UNC80: variants seen among roughly 807,000 people sequenced by gnomAD.
UNC80 encodes unc-80 subunit of NALCN channel complex.
A neutral mutation model predicts 384.6 loss-of-function variants in UNC80; 164 were observed. The observed-to-expected ratio is 0.43, with a 90% confidence interval of 0.38 to 0.49. The LOEUF is 0.49. Among genes scored for constraint, UNC80 ranks in the 20% least tolerant of loss-of-function variants. UNC80 has a pLI of 0.00. For missense variants in UNC80, 3,330 were observed against 4,143.0 expected, an observed-to-expected ratio of 0.80 and a Z score of 5.39; for synonymous variants, 1,486 against 1,527.8, an observed-to-expected ratio of 0.97 and a Z score of 0.64.
chr2:209,926,249 A>C (rs1481857663), intron 35 of UNC80, among the ~76,000 whole-genome samples: 1 of 152,222 alleles, frequency 6.6e-6, no homozygotes, highest in Non-Finnish European at 1.5e-5. Context: ...TTAGAATTTT[A>C]TCTTCATTAA....
intron 58 of UNC80, among the ~76,000 whole-genome samples, chr2:209,977,333 T>A (rs1465019999): frequency 2.6e-5 from 4 of 152,244 alleles, no homozygotes; most frequent in Non-Finnish European, 4.4e-5. Flanking sequence ...ATATATTTTT[T>A]AATCTTCATT....
chr2:209,817,935 A>G lies in UNC80; in HGVS notation c.1676A>G (p.Glu559Gly). ...DLPDPSNSHG[E>G]NTVKEVRSQI... Reference sequence around the variant, plus strand: ...CCGGACCCCTCCAACAGCCATGGAGAAAACACCGTCAAGGAAGGTGGGTAG... The same window carrying G: ...CCGGACCCCTCCAACAGCCATGGAGGAAACACCGTCAAGGAAGGTGGGTAG... Residue 559 changes from glutamate to glycine, a missense_variant, in exon 11 of 65, where the codon GAA (glutamate) becomes GGA (glycine). This residue lies in a region of UNC80 where 937 missense variants were observed against 1,026.8 expected (regional missense o/e 0.91). Coordinates refer to ENST00000673920, the MANE Select transcript of UNC80 (RefSeq NM_001371986.1). 1.3e-6 allele frequency: 2 copies of G among 1,551,568 alleles called. No individual in the cohort carries two copies. Among genetic ancestry groups the G allele is most frequent in the Non-Finnish European group, 8.7e-7 (1 of 1,146,938 alleles).
chr2:209,868,204 C>G (rs1222224698), intron 22 of UNC80, among the ~76,000 whole-genome samples: 1 of 152,154 alleles, frequency 6.6e-6, no homozygotes, highest in Non-Finnish European at 1.5e-5. Context: ...CTTTGGAATG[C>G]CTACTAAGAC....
At chr2:209,956,172 G>A (rs1559391896) in intron 48 of UNC80, among the ~76,000 whole-genome samples, 1 of 152,084 alleles carries the variant, frequency 6.6e-6, no homozygotes, top group Non-Finnish European at 1.5e-5. Context: ...TGGAGCTCTG[G>A]CATTTAAAAT....
chr2:209,840,930 T>A (rs2081694245), intron 20 of UNC80, among the ~76,000 whole-genome samples: 1 of 152,198 alleles, frequency 6.6e-6, no homozygotes, highest in African/African-American at 2.4e-5. Flanking sequence ...ATTTTTAACT[T>A]TTAACACACC....
chr2:209,817,489 A>T (rs185106592), intron 10 of UNC80, among the ~76,000 whole-genome samples: 55 of 151,580 alleles, frequency 3.6e-4, no homozygotes, highest in Admixed American at 2.7e-3. Context: ...AGGAAAAAAA[A>T]TATATATATT....
chr2:209,806,360 A>AT (rs1388575427), intron 7 of UNC80, among the ~76,000 whole-genome samples: 1 of 152,078 alleles, frequency 6.6e-6, no homozygotes, highest in Non-Finnish European at 1.5e-5. Context: ...GTGAACAGAT[A>AT]TTTTTTTCTT....
chr2:209,963,809 C>A lies in UNC80; in HGVS notation c.7806-3628C>A, dbSNP rs2092668265. 2.0e-5 allele frequency among the ~76,000 whole-genome samples: 3 copies of A among 152,272 alleles called. No homozygotes were observed. In the South Asian group the frequency reaches 6.2e-4, roughly 32 times the overall value. On this transcript the variant is annotated intron_variant, in intron 51 of 64. Coordinates refer to ENST00000673920, the MANE Select transcript of UNC80 (RefSeq NM_001371986.1). ...GGGAATTAAGAGACAATAACTATTT[C>A]TTGATAATGAAGGGTCATGATGGAG...
intron 4 of UNC80, among the ~76,000 whole-genome samples, chr2:209,783,642 CTG>C (rs2077267818): frequency 6.6e-6 from 1 of 152,066 alleles, no homozygotes; most frequent in South Asian, 2.1e-4. Context: ...TCAGTGAGTG[CTG>C]TGTCATGCTA....
chr2:209,993,467 G>A, intron 63 of UNC80, 41 bp downstream of exon 63: 3 of 1,511,588 alleles, frequency 2.0e-6, no homozygotes, highest in Non-Finnish European at 2.7e-6. Context: ...CCATTGACAT[G>A]ATGCCATGCA....
intron 28 of UNC80, among the ~76,000 whole-genome samples, 200 bp downstream of exon 28, chr2:209,896,613 A>C (rs2124918929): frequency 6.6e-6 from 1 of 152,318 alleles, no homozygotes; most frequent in East Asian, 1.9e-4. Flanking sequence ...CTTAAGCTTA[A>C]CTAAGACCAA....
intron 8 of UNC80, 75 bp downstream of exon 8, chr2:209,813,916 C>T: frequency 1.3e-6 from 2 of 1,502,908 alleles, no homozygotes; most frequent in Non-Finnish European, 1.8e-6. Context: ...TCTGTGCATC[C>T]AGCTCTTAGG....
intron 33 of UNC80, among the ~76,000 whole-genome samples, chr2:209,920,075 A>G (rs1002742104): frequency 3.3e-5 from 5 of 152,206 alleles, no homozygotes; most frequent in Admixed American, 2.6e-4. Flanking sequence ...AGGCTGAGAC[A>G]GGAGAATCAC....
intron 25 of UNC80, among the ~76,000 whole-genome samples, chr2:209,882,333 G>T (rs1401877450): frequency 6.6e-6 from 1 of 152,110 alleles, no homozygotes; most frequent in Non-Finnish European, 1.5e-5. Context: ...CAGGCGGTGT[G>T]GGGAGAGGAG....
intron 56 of UNC80, 40 bp downstream of exon 56, chr2:209,973,310 G>C: frequency 1.4e-6 from 2 of 1,468,648 alleles, no homozygotes; most frequent in African/African-American, 2.8e-5. Context: ...TTGTGCATGT[G>C]TATGTATATG....
chr2:209,793,498 C>T (rs1050871781), intron 6 of UNC80, among the ~76,000 whole-genome samples: 3 of 151,934 alleles, frequency 2.0e-5, no homozygotes, highest in African/African-American at 7.3e-5. Context: ...ATTACTTTGC[C>T]TGATGCTTGA....
chr2:209,773,781 G>C (rs2076715537), intron 2 of UNC80, among the ~76,000 whole-genome samples: 1 of 152,148 alleles, frequency 6.6e-6, no homozygotes, highest in Admixed American at 6.6e-5. Context: ...CAAAATATAT[G>C]CATTTCTGCA....
chr2:209,858,760 A>AT (rs552184141), intron 22 of UNC80, among the ~76,000 whole-genome samples: 34 of 151,612 alleles, frequency 2.2e-4, no homozygotes, highest in African/African-American at 7.7e-4. Flanking sequence ...CATTTAAACA[A>AT]TTTTTTTCTA....
rs1269399941 is a variant in UNC80, at chr2:209,904,981, T to C, written c.4782+16T>C. 3 of 1,550,508 alleles carry C rather than the reference T, an allele frequency of 1.9e-6. No homozygotes were observed. The highest frequency in any genetic ancestry group is 2.0e-5 in the Admixed American group (1 of 50,988). Reference sequence around the variant, plus strand: ...ACAGAAAGAAGTAAGTAAATGACCATTGAATGATATTCTAATACTAGAAAC... The same window carrying C: ...ACAGAAAGAAGTAAGTAAATGACCACTGAATGATATTCTAATACTAGAAAC... On this transcript the variant is annotated intron_variant, in intron 29 of 64. Coordinates refer to ENST00000673920, the MANE Select transcript of UNC80 (RefSeq NM_001371986.1).
Sources: allele counts gnomAD v4.1 joint callset (sites outside exome capture counted in the v4.1 genomes callset), GRCh38; gene constraint gnomAD v4.1.1; regional missense constraint gnomAD v4.1.1; transcripts MANE v1.5; gene names NCBI Gene and HGNC (gene_info 2026-07-23, HGNC 2026-07-21).